Variants in SERPINB10 observed in about 807,000 individuals in gnomAD.
The protein encoded by SERPINB10 is serpin family B member 10, also known as serpin B10.
Under a neutral mutation model 39.1 loss-of-function variants are expected in SERPINB10, and 35 were observed. That is an observed-to-expected ratio of 0.90 (90% CI 0.68 to 1.19). The LOEUF (loss-of-function observed/expected upper bound fraction) is 1.19, where lower values mean the gene tolerates loss of function less well. SERPINB10 is among the 50% of genes most tolerant of loss of function. The probability of loss-of-function intolerance (pLI) is 0.00; values close to 1 mark genes in which losing one functional copy is unlikely to be tolerated. For synonymous variants in SERPINB10, 190 were observed against 158.1 expected, an observed-to-expected ratio of 1.20 and a Z score of -1.52; for missense variants, 546 against 460.5, an observed-to-expected ratio of 1.19 and a Z score of -1.70.
At chr18:63,921,604 A>C (rs2050147087) in intron 5 of SERPINB10, among the ~76,000 whole-genome samples, 1 of 151,700 alleles carries the variant, frequency 6.6e-6, no homozygotes, top group Non-Finnish European at 1.5e-5. Context: ...TTCCCTTCAA[A>C]TCTAACCTCC....
intron 4 of SERPINB10, 150 bp downstream of exon 4, chr18:63,918,252 G>A: frequency 8.6e-6 from 6 of 696,256 alleles, no homozygotes; most frequent in African/African-American, 1.8e-5. Flanking sequence ...CAACCAATGA[G>A]TGTCTAGTGG....
At position 63,935,314 on chromosome 18, in the gene SERPINB10, AT is replaced by A; in HGVS notation, c.*76del. On this transcript the variant is annotated 3_prime_UTR_variant, in exon 8 of 8. Transcript: ENST00000238508. ...ATGTACCATGAGATGGAAAAGCACA[AT>A]TTTCACAAAAATGAGTTTGTAGTCT... 1 of 1,453,846 alleles carries A rather than the reference AT, an allele frequency of 6.9e-7. No individual in the cohort carries two copies. The allele number at this position is 1,453,846 out of a possible 1,614,324, so 90.1% of individuals were successfully genotyped here. A position where few individuals can be genotyped will look rare whatever the true frequency, so the allele number is the denominator to read the frequency against.
chr18:63,934,600 T>A (rs1008652378), intron 7 of SERPINB10, among the ~76,000 whole-genome samples: 1 of 152,190 alleles, frequency 6.6e-6, no homozygotes, highest in African/African-American at 2.4e-5. Context: ...CAGAAGTACT[T>A]CCATTTTGAA....
intron 4 of SERPINB10, 147 bp from the exon 5 acceptor site, chr18:63,919,641 A>T (rs9955876): frequency 0.2 from 105,584 of 527,054 alleles, 11,959 homozygotes; most frequent in African/African-American, 0.37. Context: ...TTTTGACCAA[A>T]ACTGGGAGTC....
intron 1 of SERPINB10, among the ~76,000 whole-genome samples, chr18:63,911,511 C>G (rs542950203): frequency 2.7e-4 from 41 of 152,068 alleles, no homozygotes; most frequent in Non-Finnish European, 4.0e-4. Context: ...AACCAGCTAT[C>G]CCAGCATCAT....
intron 5 of SERPINB10, among the ~76,000 whole-genome samples, chr18:63,924,989 C>T (rs2050170974): frequency 6.6e-6 from 1 of 151,864 alleles, no homozygotes; most frequent in Non-Finnish European, 1.5e-5. Flanking sequence ...AAAAAGTACA[C>T]AAATATTGTA....
chr18:63,919,950 T>A, intron 5 of SERPINB10, 45 bp downstream of exon 5: 5 of 1,171,206 alleles, frequency 4.3e-6, no homozygotes, highest in Non-Finnish European at 6.2e-6. Flanking sequence ...TTCCCAAACA[T>A]CCTTGTATTT....
intron 7 of SERPINB10, among the ~76,000 whole-genome samples, chr18:63,933,581 C>T (rs2050239651): frequency 6.6e-6 from 1 of 152,120 alleles, no homozygotes. Context: ...CTGGTAGGAC[C>T]TATGTAATTT....
intron 1 of SERPINB10, 88 bp downstream of exon 1, chr18:63,908,128 C>T: frequency 4.4e-6 from 1 of 227,122 alleles, no homozygotes. Flanking sequence ...TAATGAAGAC[C>T]CCTTCCCCCA....
rs144959136 is a variant in SERPINB10, at chr18:63,926,254, G to A, written c.491-3791G>A. On this transcript the variant is annotated intron_variant, in intron 5 of 7. Transcript: ENST00000238508. Reference sequence around the variant, plus strand: ...ATCACTCCAATCTTTGCCTGCATTGGTACATGGCTTCCTCTTGTTATCTGT... The same window carrying A: ...ATCACTCCAATCTTTGCCTGCATTGATACATGGCTTCCTCTTGTTATCTGT... 2.4e-3 allele frequency among the ~76,000 whole-genome samples: 363 copies of A among 151,996 alleles called. 4 individuals are homozygous for A. Among genetic ancestry groups the A allele is most frequent in the African/African-American group, 8.3e-3 (345 of 41,492 alleles).
In SERPINB10 at chr18:63,911,946, T is replaced by C. The variant is rs536806443; in HGVS notation, c.-9-3556T>C. Among the ~76,000 whole-genome samples the C allele has an allele frequency of 1.9e-4, 28 of 148,668 alleles. 1 individual carries two copies. The highest frequency in any genetic ancestry group is 3.8e-4 in the Non-Finnish European group (26 of 67,962). ...TTCCATTTGTTTGTATTATTTATGATTTTTAGCAGTGTTTTTTTTTACCTC... is the reference window on the plus strand; with the variant it reads ...TTCCATTTGTTTGTATTATTTATGACTTTTAGCAGTGTTTTTTTTTACCTC... On this transcript the variant is annotated intron_variant, in intron 1 of 7. Transcript: ENST00000238508.
chr18:63,919,759 A>G (rs2050132537), intron 4 of SERPINB10, 29 bp from the exon 5 acceptor site: 17 of 1,465,312 alleles, frequency 1.2e-5, no homozygotes, highest in Non-Finnish European at 1.5e-5. Context: ...CAAACTCTAC[A>G]AAAGGGGATT....
chr18:63,923,461 G>T (rs1463380136), intron 5 of SERPINB10, among the ~76,000 whole-genome samples: 1 of 151,740 alleles, frequency 6.6e-6, no homozygotes, highest in African/African-American at 2.4e-5. Context: ...CTTCTCCAAG[G>T]TCTTCATTTT....
At chr18:63,916,776 C>T (rs2050105965) in intron 2 of SERPINB10, among the ~76,000 whole-genome samples, 1 of 152,138 alleles carries the variant, frequency 6.6e-6, no homozygotes, top group Middle Eastern at 3.4e-3. Flanking sequence ...ATTAACTGTG[C>T]ACCCCTTTAT....
intron 5 of SERPINB10, among the ~76,000 whole-genome samples, chr18:63,928,580 A>AAGT (rs2050196557): frequency 6.6e-6 from 1 of 152,054 alleles, no homozygotes; most frequent in Non-Finnish European, 1.5e-5. Flanking sequence ...AAAAAGAAGG[A>AAGT]AGTATTTCAG....
chr18:63,929,065 C>T (rs973568202), intron 5 of SERPINB10, among the ~76,000 whole-genome samples: 11 of 152,208 alleles, frequency 7.2e-5, no homozygotes, highest in African/African-American at 2.6e-4. Context: ...ACATATGAAC[C>T]ATAGTATCTC....
In SERPINB10 at chr18:63,919,236, A is replaced by ATTTTTTTTTTTTTTTTTTTTTTTTT. The variant is rs397969917; in HGVS notation, c.373-538_373-537insTTTTTTTTTTTTTTTTTTTTTTTTT. On this transcript the variant is annotated intron_variant, in intron 4 of 7. Transcript: ENST00000238508. Reference sequence around the variant, plus strand: ...AGGACCAGGAGGAGGTGAAGGCCTCATTTTTTTTTTTTTTGCCTCAGAATG... The same window carrying ATTTTTTTTTTTTTTTTTTTTTTTTT: ...AGGACCAGGAGGAGGTGAAGGCCTCATTTTTTTTTTTTTTTTTTTTTTTTTTTTTTTTTTTTTTTGCCTCAGAATG... Among the ~76,000 whole-genome samples the ATTTTTTTTTTTTTTTTTTTTTTTTT allele has an allele frequency of 1.4e-5, 2 of 142,864 alleles. 1 individual carries two copies. Among genetic ancestry groups the ATTTTTTTTTTTTTTTTTTTTTTTTT allele is most frequent in the African/African-American group, 5.1e-5 (2 of 38,896 alleles). The allele number at this position is 142,864 out of a possible 152,430, so 93.7% of individuals were successfully genotyped here.
At chr18:63,912,096 T>C (rs1349960195) in intron 1 of SERPINB10, among the ~76,000 whole-genome samples, 1 of 151,960 alleles carries the variant, frequency 6.6e-6, no homozygotes, top group African/African-American at 2.4e-5. Context: ...ATGTTATTGG[T>C]ATATAGAAAT....
At chr18:63,917,920 A>G (rs1442397332) in intron 3 of SERPINB10, 45 bp from the exon 4 acceptor site, 2 of 1,574,566 alleles carry the variant, frequency 1.3e-6, no homozygotes. Flanking sequence ...CATGTACGTA[A>G]CTCTTGTTCA....
Sources: allele counts gnomAD v4.1 joint callset (sites outside exome capture counted in the v4.1 genomes callset), GRCh38; gene constraint gnomAD v4.1.1; transcripts MANE v1.5; gene names NCBI Gene and HGNC (gene_info 2026-07-23, HGNC 2026-07-21).